The following MAGI2 variants were observed in gnomAD, a reference collection of about 807,000 sequenced individuals.
The protein encoded by MAGI2 is membrane associated guanylate kinase, WW and PDZ domain containing 2.
MAGI2 carries 35 observed loss-of-function variants against 133.3 expected under a neutral mutation model. The observed-to-expected ratio is 0.26, with a 90% CI of 0.20 to 0.35. MAGI2 has a LOEUF of 0.35. Among genes scored for constraint, MAGI2 ranks in the 10% least tolerant of loss-of-function variants. MAGI2 has a pLI of 1.00. For synonymous variants in MAGI2, 729 were observed against 710.6 expected (o/e 1.03, Z -0.41); for missense variants, 1,636 against 1,863.4 (o/e 0.88, Z 2.25).
At chr7:78,681,595 A>G (rs1417188854) in intron 2 of MAGI2, among the ~76,000 whole-genome samples, 2 of 152,146 alleles carry the variant, frequency 1.3e-5, no homozygotes, top group Non-Finnish European at 2.9e-5. Context: ...TACTCTTTTC[A>G]GAACATCGAT....
chr7:78,845,938 C>A (rs1463498442), intron 2 of MAGI2, among the ~76,000 whole-genome samples: 1 of 151,806 alleles, frequency 6.6e-6, no homozygotes, highest in African/African-American at 2.4e-5. Context: ...TATGGAAAGG[C>A]AACAAAATGT....
chr7:79,272,328 G>C (rs1834937740), intron 1 of MAGI2, among the ~76,000 whole-genome samples: 1 of 152,098 alleles, frequency 6.6e-6, no homozygotes, highest in African/African-American at 2.4e-5. Flanking sequence ...ACAGTCTTTA[G>C]TGGAATATAT....
chr7:78,291,315 T>A (rs1287458796), intron 9 of MAGI2, among the ~76,000 whole-genome samples: 13 of 152,080 alleles, frequency 8.5e-5, no homozygotes, highest in African/African-American at 2.9e-4. Flanking sequence ...TCTATGCAAA[T>A]AAACTAGAAA....
intron 2 of MAGI2, among the ~76,000 whole-genome samples, chr7:78,726,185 C>G (rs944986192): frequency 6.6e-6 from 1 of 152,130 alleles, no homozygotes; most frequent in Non-Finnish European, 1.5e-5. Flanking sequence ...AATTCACAAC[C>G]TATGTAATCT....
intron 5 of MAGI2, among the ~76,000 whole-genome samples, chr7:78,493,837 A>G (rs1299565755): frequency 7.0e-6 from 1 of 142,462 alleles, no homozygotes. Context: ...TTTGCACTTA[A>G]TAAGTATGAT....
chr7:79,348,153 A>G (rs1360770755), intron 1 of MAGI2, among the ~76,000 whole-genome samples: 1 of 151,904 alleles, frequency 6.6e-6, no homozygotes, highest in African/African-American at 2.4e-5. Context: ...AACAATGCCT[A>G]CTTAAGAGAT....
rs574002162 is a variant in MAGI2 at position 78,937,766 on chromosome 7, G to A, written c.418+69324C>T. 3.3e-5 allele frequency among the ~76,000 whole-genome samples: 5 copies of A among 152,208 alleles called. No homozygotes were observed. In the South Asian group the frequency reaches 1.0e-3, roughly 32 times the overall value. Reference sequence around the variant, plus strand: ...AATTAGTCCCAGCTCTGGTGCTTGGGTAATCACAGGCAAGATACTTAACTC... The same window carrying A: ...AATTAGTCCCAGCTCTGGTGCTTGGATAATCACAGGCAAGATACTTAACTC... On this transcript the variant is annotated intron_variant, in intron 2 of 21. Transcript: ENST00000354212.
intron 2 of MAGI2, among the ~76,000 whole-genome samples, chr7:78,830,968 A>G (rs1791095032): frequency 6.6e-6 from 1 of 152,216 alleles, no homozygotes; most frequent in African/African-American, 2.4e-5. Context: ...GGCAGTCTTT[A>G]GATAAAGGGG....
At chr7:78,242,533 G>A (rs141255365) in intron 10 of MAGI2, among the ~76,000 whole-genome samples, 4 of 152,292 alleles carry the variant, frequency 2.6e-5, no homozygotes, top group African/African-American at 9.6e-5. Flanking sequence ...TGTCATATAT[G>A]CTTTTTTGCT....
intron 2 of MAGI2, among the ~76,000 whole-genome samples, chr7:78,806,867 C>CAAAATAAAAT (rs150570172): frequency 0.012 from 1,519 of 128,772 alleles, 20 homozygotes; most frequent in African/African-American, 0.034. Context: ...CACCCTGTCT[C>CAAAATAAAAT]AAAATAAAAT....
intron 10 of MAGI2, among the ~76,000 whole-genome samples, chr7:78,210,482 T>G (rs1787664671): frequency 1.3e-5 from 2 of 152,184 alleles, no homozygotes; most frequent in Non-Finnish European, 2.9e-5. Flanking sequence ...AAGAGGCTTG[T>G]TTGAGTGGAG....
chr7:79,156,476 A>G (rs1273995588), intron 1 of MAGI2, among the ~76,000 whole-genome samples: 1 of 152,138 alleles, frequency 6.6e-6, no homozygotes, highest in African/African-American at 2.4e-5. Context: ...GAAGACTTCA[A>G]TAGAACCTTG....
chr7:78,508,435 C>T (rs1795279291), intron 4 of MAGI2, among the ~76,000 whole-genome samples: 1 of 152,154 alleles, frequency 6.6e-6, no homozygotes, highest in African/African-American at 2.4e-5. Flanking sequence ...AACTTTGCTG[C>T]ATTTTAGATA....
intron 2 of MAGI2, among the ~76,000 whole-genome samples, chr7:78,973,773 T>G (rs1415683632): frequency 6.6e-6 from 1 of 151,852 alleles, no homozygotes; most frequent in African/African-American, 2.4e-5. Context: ...GTTGCCCTGC[T>G]GTATGCTCGT....
chr7:79,194,585 C>G (rs146703025), intron 1 of MAGI2, among the ~76,000 whole-genome samples: 258 of 152,028 alleles, frequency 1.7e-3, no homozygotes, highest in Non-Finnish European at 3.3e-3. Flanking sequence ...TTCTTTACTA[C>G]ATTGAATCTA....
chr7:78,410,887 G>A (rs1410333002), intron 6 of MAGI2, among the ~76,000 whole-genome samples: 3 of 151,794 alleles, frequency 2.0e-5, no homozygotes, highest in South Asian at 2.1e-4. Context: ...ATAATTGCTC[G>A]GGAGCTAATT....
intron 21 of MAGI2, among the ~76,000 whole-genome samples, chr7:78,077,723 A>ATTTTTTTTTT (rs1300577440): frequency 1.0e-5 from 1 of 95,974 alleles, no homozygotes; most frequent in Non-Finnish European, 2.1e-5. Flanking sequence ...ACTCTTTAGA[A>ATTTTTTTTTT]TGTTTTTTTT....
intron 1 of MAGI2, among the ~76,000 whole-genome samples, chr7:79,094,845 T>C (rs1457594789): frequency 1.3e-5 from 2 of 152,150 alleles, no homozygotes; most frequent in Admixed American, 1.3e-4. Context: ...TGTAAACAGG[T>C]GTGTTGTCAT....
At chr7:79,379,453 T>C (rs1843632865) in intron 1 of MAGI2, among the ~76,000 whole-genome samples, 1 of 152,028 alleles carries the variant, frequency 6.6e-6, no homozygotes, top group Non-Finnish European at 1.5e-5. Flanking sequence ...GCAGCATGAT[T>C]TATAATCCTT....
Sources: allele counts gnomAD v4.1 joint callset (sites outside exome capture counted in the v4.1 genomes callset), GRCh38; gene constraint gnomAD v4.1.1; transcripts MANE v1.5; gene names NCBI Gene and HGNC (gene_info 2026-07-23, HGNC 2026-07-21).